Variants in IRAK4 observed in about 807,000 individuals in gnomAD.
The protein encoded by IRAK4 is interleukin 1 receptor associated kinase 4.
Under a neutral mutation model 51.8 loss-of-function variants are expected in IRAK4, and 44 were observed. The observed-to-expected ratio is 0.85, with a 90% confidence interval of 0.67 to 1.09. IRAK4 has a LOEUF of 1.09. IRAK4 is among the 50% of genes least tolerant of loss of function. IRAK4 has a pLI of 0.00. For missense variants in IRAK4, 487 were observed against 538.0 expected (o/e 0.91, Z 0.94); for synonymous variants, 149 against 174.1 (o/e 0.86, Z 1.13).
In IRAK4 at chr12:43,774,034, G is replaced by A. The variant is rs1313844894; in HGVS notation, c.716+5G>A. 2 of 1,604,368 alleles carry A rather than the reference G, an allele frequency of 1.2e-6. No homozygotes were observed. The highest frequency in any genetic ancestry group is 2.2e-5 in the South Asian group (2 of 90,918). Reference sequence around the variant, plus strand: ...AGAAATAAAAGTAATGGCAAAGTAAGTCTTAATCTGGCAGTGCGGTGTAGT... The same window carrying A: ...AGAAATAAAAGTAATGGCAAAGTAAATCTTAATCTGGCAGTGCGGTGTAGT... On this transcript the variant is annotated splice_donor_5th_base_variant and intron_variant, in intron 6 of 11. Coordinates refer to ENST00000613694, the MANE Select transcript of IRAK4 (RefSeq NM_016123.4).
intron 8 of IRAK4, among the ~76,000 whole-genome samples, chr12:43,780,572 CTTTT>C (rs530751019): frequency 1.5e-5 from 2 of 134,102 alleles, no homozygotes; most frequent in Admixed American, 7.5e-5. Context: ...CCTGTATGTT[CTTTT>C]TTTTTTTTTT....
At chr12:43,783,617 AGCCTATCTTGT>A in intron 9 of IRAK4, 34 bp from the exon 10 acceptor site, 1 of 1,241,796 alleles carries the variant, frequency 8.1e-7, no homozygotes, top group South Asian at 1.2e-5. Flanking sequence ...CACTGTGCCC[AGCCTATCTTGT>A]GTATTATATT....
At chr12:43,773,290 C>T (rs4251475) in intron 5 of IRAK4, among the ~76,000 whole-genome samples, 1 of 152,102 alleles carries the variant, frequency 6.6e-6, no homozygotes, top group Non-Finnish European at 1.5e-5. Flanking sequence ...CAAGATCATA[C>T]ATACAATTTT....
rs1942358422 is a variant in IRAK4, at chr12:43,788,557, T to G, written c.*1842T>G. On this transcript the variant is annotated 3_prime_UTR_variant, in exon 12 of 12. Coordinates refer to ENST00000613694, the MANE Select transcript of IRAK4 (RefSeq NM_016123.4). ...GTTAGGGCTTTTTTTTTTTTTTTTT[T>G]GAGACGGAGTCTTGCTCTGTTGCCC... The G allele has an allele frequency of 6.6e-6, 1 of 150,800 alleles. No individual in the cohort carries two copies. The highest frequency in any genetic ancestry group is 2.1e-4 in the South Asian group (1 of 4,798). 9.3% of individuals were successfully genotyped at this position (150,800 alleles called of 1,614,324 possible). A position where few individuals can be genotyped will look rare whatever the true frequency, so the allele number is the denominator to read the frequency against.
intron 9 of IRAK4, among the ~76,000 whole-genome samples, chr12:43,783,391 C>T (rs1444943320): frequency 1.3e-5 from 2 of 152,058 alleles, no homozygotes; most frequent in African/African-American, 2.4e-5. Context: ...AATTATGGCT[C>T]GCTGTAGCCT....
intron 2 of IRAK4, among the ~76,000 whole-genome samples, chr12:43,770,391 T>C (rs944116054): frequency 3.3e-5 from 5 of 152,192 alleles, no homozygotes; most frequent in Admixed American, 1.3e-4. Context: ...ATACACTCTT[T>C]TGTCAAATGA....
In IRAK4 at chr12:43,789,185, G is replaced by A. The variant is rs1034764177; in HGVS notation, c.*2470G>A. The A allele has an allele frequency of 7.9e-5, 12 of 152,186 alleles. No homozygotes were observed. Among genetic ancestry groups the A allele is most frequent in the African/African-American group, 2.7e-4 (11 of 41,418 alleles). The allele number at this position is 152,186 out of a possible 1,614,324, so 9.4% of individuals were successfully genotyped here. A position where few individuals can be genotyped will look rare whatever the true frequency, so the allele number is the denominator to read the frequency against. The stretch of plus-strand genomic sequence containing the variant: ...TGTAATCCCCAGTGTTGGGGGTGGA[G>A]GTGGGGCCTGATGGGAAGTGTTTGG... On this transcript the variant is annotated 3_prime_UTR_variant, in exon 12 of 12. Transcript: ENST00000613694.
intron 8 of IRAK4, 85 bp downstream of exon 8, chr12:43,778,387 C>G: frequency 1.3e-6 from 1 of 775,596 alleles, no homozygotes. Context: ...ATATGCAGGT[C>G]TTAACCTAGA....
chr12:43,774,351 T>A (rs1941077346), intron 6 of IRAK4, among the ~76,000 whole-genome samples: 1 of 152,162 alleles, frequency 6.6e-6, no homozygotes, highest in African/African-American at 2.4e-5. Context: ...TTCAAGCGAT[T>A]CTCCTGCCTC....
intron 6 of IRAK4, among the ~76,000 whole-genome samples, chr12:43,775,601 ATATTT>A (rs568844499): frequency 1.3e-3 from 196 of 152,310 alleles, no homozygotes; most frequent in African/African-American, 4.6e-3. Context: ...TGTGAAAATC[ATATTT>A]TATTTAACCA....
At chr12:43,782,951 G>A (rs1400812216) in intron 9 of IRAK4, among the ~76,000 whole-genome samples, 2 of 152,114 alleles carry the variant, frequency 1.3e-5, no homozygotes, top group Non-Finnish European at 2.9e-5. Flanking sequence ...TGAAAATAAG[G>A]CATAGGGCTA....
chr12:43,760,663 G>C (rs1195062284), intron 1 of IRAK4, among the ~76,000 whole-genome samples: 3 of 152,188 alleles, frequency 2.0e-5, no homozygotes, highest in Non-Finnish European at 4.4e-5. Context: ...AGATAGTCCA[G>C]TGGCTGGCTT....
chr12:43,777,914 T>C (rs1385560931), intron 7 of IRAK4, among the ~76,000 whole-genome samples, 170 bp downstream of exon 7: 1 of 152,218 alleles, frequency 6.6e-6, no homozygotes, highest in East Asian at 1.9e-4. Context: ...TGTCAACAAC[T>C]GGGTTGCCAT....
Position 43,775,507 on chromosome 12 carries a change from C to A in IRAK4, c.716+1478C>A, listed in dbSNP as rs376676014. Among the ~76,000 whole-genome samples, 12 of 152,154 alleles carry A rather than the reference C, an allele frequency of 7.9e-5. No individual in the cohort carries two copies. The East Asian group carries it at 2.3e-3, about 29-fold the overall frequency. On this transcript the variant is annotated intron_variant, in intron 6 of 11. Transcript: ENST00000613694. ...CACTGCTAATATTTTTATATACTTG[C>A]TTCATGATGTGTGTGTAGCATTTTC...
chr12:43,778,653 T>A (rs1941510508), intron 8 of IRAK4, among the ~76,000 whole-genome samples: 2 of 152,178 alleles, frequency 1.3e-5, no homozygotes, highest in Admixed American at 1.3e-4. Context: ...TTCTCTTTCT[T>A]TCTTGTGTAT....
In IRAK4 at chr12:43,778,274, AATC is replaced by A; in HGVS notation, c.919_921del (p.His307del). 1 of 1,599,212 alleles carries A rather than the reference AATC, an allele frequency of 6.3e-7. No homozygotes were observed. Among genetic ancestry groups the A allele is most frequent in the Non-Finnish European group, 8.6e-7 (1 of 1,166,602 alleles). ...TAATGGCATCAATTTTCTACATGAA[AATC>A]ATCATATTCATAGAGATATTAAAAG... is the stretch of plus-strand genomic sequence containing the variant. On this transcript the variant is annotated inframe_deletion, in exon 8 of 12. Transcript: ENST00000613694.
rs1186068445 is a variant in IRAK4, at chr12:43,774,058, G to T, written c.716+29G>T. ...AGTCTTAATCTGGCAGTGCGGTGTA[G>T]TGGAAAGAAAAAAGACAAGGAGTAA... On this transcript the variant is annotated intron_variant, in intron 6 of 11. Transcript: ENST00000613694. The T allele has an allele frequency of 3.9e-6, 6 of 1,553,008 alleles. No homozygotes were observed. In the South Asian group the frequency reaches 6.7e-5, roughly 17 times the overall value.
At chr12:43,777,499 T>TC (rs1941387488) in intron 6 of IRAK4, 131 bp from the exon 7 acceptor site, 1 of 728,024 alleles carries the variant, frequency 1.4e-6, no homozygotes, top group Non-Finnish European at 2.1e-6. Context: ...AACATAAACA[T>TC]CAAGTTAGAA....
chr12:43,776,623 T>A (rs1287114175), intron 6 of IRAK4, among the ~76,000 whole-genome samples: 1 of 152,274 alleles, frequency 6.6e-6, no homozygotes, highest in Non-Finnish European at 1.5e-5. Context: ...TATTACATAC[T>A]GTTTTCTGCA....
Sources: allele counts gnomAD v4.1 joint callset (sites outside exome capture counted in the v4.1 genomes callset), GRCh38; gene constraint gnomAD v4.1.1; transcripts MANE v1.5; gene names NCBI Gene and HGNC (gene_info 2026-07-23, HGNC 2026-07-21).